SPMAP2L: variants seen among roughly 807,000 people sequenced by gnomAD.
The protein encoded by SPMAP2L is sperm microtubule associated protein 2 like.
At chr4:56,580,261 A>T in the SPMAP2L span, among the ~76,000 whole-genome samples, 1 of 152,208 alleles carries the variant, frequency 6.6e-6, no homozygotes, top group South Asian at 2.1e-4. Flanking sequence ...ATGTAAAAAA[A>T]ATTATACACC....
chr4:56,566,695 C>CTTTTT, the SPMAP2L span, among the ~76,000 whole-genome samples: 84 of 92,442 alleles, frequency 9.1e-4, no homozygotes, highest in Non-Finnish European at 1.3e-3. Context: ...TTTTCTTTTT[C>CTTTTT]TTTTTTTTTT....
chr4:56,575,651 T>A, the SPMAP2L span: 1 of 1,534,102 alleles, frequency 6.5e-7, no homozygotes, highest in Non-Finnish European at 8.7e-7. Context: ...AGGTAGAGTA[T>A]CTTGAGAATC....
the SPMAP2L span, chr4:56,603,448 C>A: frequency 1.6e-4 from 92 of 591,080 alleles, no homozygotes; most frequent in South Asian, 3.0e-3. Context: ...CAAAATGAGA[C>A]CTTTAGGGAA....
the SPMAP2L span, among the ~76,000 whole-genome samples, chr4:56,532,705 CCCA>C: frequency 6.6e-6 from 1 of 152,212 alleles, no homozygotes; most frequent in East Asian, 1.9e-4. Flanking sequence ...CCTCTACTCT[CCCA>C]AAACTGCTCT....
the SPMAP2L span, among the ~76,000 whole-genome samples, chr4:56,597,527 T>C: frequency 6.6e-6 from 1 of 152,196 alleles, no homozygotes; most frequent in African/African-American, 2.4e-5. Flanking sequence ...GGATTTAATA[T>C]GGAATTCTAT....
chr4:56,548,294 C>G, the SPMAP2L span, among the ~76,000 whole-genome samples: 2 of 151,908 alleles, frequency 1.3e-5, no homozygotes, highest in African/African-American at 4.8e-5. Context: ...GTTATTAGCC[C>G]TTTATATATC....
chr4:56,594,891 C>G, the SPMAP2L span: 5 of 1,611,108 alleles, frequency 3.1e-6, no homozygotes, highest in Non-Finnish European at 4.2e-6. Context: ...GACTTTGGGT[C>G]TGATGTCTCG....
At chr4:56,564,505 T>C in the SPMAP2L span, among the ~76,000 whole-genome samples, 72 of 152,318 alleles carry the variant, frequency 4.7e-4, no homozygotes, top group Non-Finnish European at 8.2e-4. Context: ...TTCTTACGTT[T>C]GATATCTATC....
At chr4:56,568,606 C>T in the SPMAP2L span, among the ~76,000 whole-genome samples, 17,300 of 152,112 alleles carry the variant, frequency 0.11, 1,084 homozygotes, top group East Asian at 0.21. Flanking sequence ...GTGGGAGGAT[C>T]GCCTGCACTC....
chr4:56,548,233 TTC>T, the SPMAP2L span, among the ~76,000 whole-genome samples: 4 of 108,346 alleles, frequency 3.7e-5, no homozygotes, highest in African/African-American at 8.6e-5. Flanking sequence ...AGCGTTCTCT[TTC>T]TGTTTTTTTT....
At chr4:56,588,914 G>C in the SPMAP2L span, among the ~76,000 whole-genome samples, 1 of 152,096 alleles carries the variant, frequency 6.6e-6, no homozygotes, top group Non-Finnish European at 1.5e-5. Context: ...TGTTTGCTTT[G>C]TCAAAGATCA....
chr4:56,551,261 C>T, the SPMAP2L span, among the ~76,000 whole-genome samples: 2 of 152,178 alleles, frequency 1.3e-5, no homozygotes, highest in Non-Finnish European at 2.9e-5. Context: ...GAGTAATTCT[C>T]CTGGCCTCTT....
the SPMAP2L span, chr4:56,557,664 A>G: frequency 2.0e-5 from 3 of 152,214 alleles, no homozygotes; most frequent in Non-Finnish European, 4.4e-5. Flanking sequence ...AACCCCCAAG[A>G]ATCCTTCTAG....
At chr4:56,595,611 G>A in the SPMAP2L span, 10,871 of 1,290,842 alleles carry the variant, frequency 8.4e-3, 467 homozygotes, top group African/African-American at 0.11. Flanking sequence ...ATTCTGGCCA[G>A]TGATTGCCCG....
At chr4:56,594,434 C>T in the SPMAP2L span, 1 of 1,602,082 alleles carries the variant, frequency 6.2e-7, no homozygotes, top group Non-Finnish European at 8.6e-7. Context: ...AGGATATCAG[C>T]AGCTTTTCTG....
the SPMAP2L span, among the ~76,000 whole-genome samples, chr4:56,583,718 CAGTGGTGACTGGAATTT>C: frequency 3.3e-5 from 5 of 152,134 alleles, no homozygotes; most frequent in South Asian, 1.0e-3. Context: ...GAGGGGCCCT[CAGTGGTGACTGGAATTT>C]TTATTTCAGA....
the SPMAP2L span, among the ~76,000 whole-genome samples, chr4:56,572,716 T>A: frequency 6.6e-6 from 1 of 152,278 alleles, no homozygotes. Context: ...GTGTACTCTA[T>A]ATTAAAATAA....
At chr4:56,584,091 C>T in the SPMAP2L span, among the ~76,000 whole-genome samples, 24 of 152,088 alleles carry the variant, frequency 1.6e-4, no homozygotes, top group African/African-American at 5.8e-4. Context: ...CTCAGCCTTG[C>T]AAGTAGCTGG....
chr4:56,593,342 T>C, the SPMAP2L span: 28 of 1,148,246 alleles, frequency 2.4e-5, no homozygotes, highest in South Asian at 3.4e-4. Flanking sequence ...CCACAGACAA[T>C]AGCTGTTGTC....
Sources: gnomAD v4.1 joint callset for allele counts (sites outside exome capture counted in the v4.1 genomes callset) on GRCh38, gnomAD v4.1.1 for gene constraint, MANE v1.5 for transcripts, NCBI Gene and HGNC (gene_info 2026-07-23, HGNC 2026-07-21) for gene names.